The following TRABD2B variants were observed in gnomAD, a reference collection of about 807,000 sequenced individuals.
The protein encoded by TRABD2B is TraB domain containing 2B, also known as metalloprotease TIKI2.
In TRABD2B, 14 loss-of-function variants were observed where a neutral mutation model predicts 40.1. The observed-to-expected ratio is 0.35, with a 90% confidence interval of 0.23 to 0.55. TRABD2B has a LOEUF of 0.55. TRABD2B is among the 20% of genes least tolerant of loss of function. The pLI is 0.90. For synonymous variants in TRABD2B, 263 were observed against 277.0 expected, an observed-to-expected ratio of 0.95 and a Z score of 0.50; for missense variants, 541 against 648.6, an observed-to-expected ratio of 0.83 and a Z score of 1.80.
intron 2 of TRABD2B, among the ~76,000 whole-genome samples, chr1:47,804,396 G>A (rs1175234125): frequency 6.6e-6 from 1 of 152,210 alleles, no homozygotes; most frequent in Non-Finnish European, 1.5e-5. Context: ...TGTCCATGTC[G>A]AGTTGATCCG....
At chr1:47,972,297 T>C (rs1386934081) in intron 2 of TRABD2B, among the ~76,000 whole-genome samples, 1 of 152,154 alleles carries the variant, frequency 6.6e-6, no homozygotes, top group East Asian at 1.9e-4. Flanking sequence ...GGCAGCAGTA[T>C]CCACCTACTT....
Position 47,806,297 on chromosome 1 carries a change from A to G in TRABD2B, c.667-4678T>C, listed in dbSNP as rs562175143. 2.0e-5 allele frequency among the ~76,000 whole-genome samples: 3 copies of G among 152,308 alleles called. No homozygotes were observed. The East Asian group carries it at 5.8e-4, about 29-fold the overall frequency. ...AGCTCATTTTAGAGGCAGATGTGCC[A>G]ACTGGCCAGCACAGCAAGGGTGGTA... On this transcript the variant is annotated intron_variant, in intron 2 of 6. Coordinates refer to ENST00000606738, the MANE Select transcript of TRABD2B (RefSeq NM_001194986.2).
intron 2 of TRABD2B, among the ~76,000 whole-genome samples, chr1:47,912,282 C>T (rs1644773278): frequency 1.3e-5 from 2 of 152,222 alleles, no homozygotes; most frequent in African/African-American, 4.8e-5. Context: ...CTTTTTCTAC[C>T]ACAAGATGTA....
intron 2 of TRABD2B, among the ~76,000 whole-genome samples, chr1:47,923,915 TACACACACAC>T (rs60288001): frequency 0.31 from 40,643 of 132,508 alleles, 6,139 homozygotes; most frequent in South Asian, 0.42. Flanking sequence ...CATACACACA[TACACACACAC>T]ACACACACAC....
chr1:47,830,198 G>A (rs144900863), intron 2 of TRABD2B, among the ~76,000 whole-genome samples: 4 of 152,316 alleles, frequency 2.6e-5, no homozygotes, highest in South Asian at 4.1e-4. Flanking sequence ...CAGCAGCATC[G>A]CACCCTCATT....
At chr1:47,934,056 G>A (rs1016788283) in intron 2 of TRABD2B, among the ~76,000 whole-genome samples, 1 of 152,242 alleles carries the variant, frequency 6.6e-6, no homozygotes, top group African/African-American at 2.4e-5. Context: ...AAAAGCTGAT[G>A]TTATTAAACA....
intron 2 of TRABD2B, among the ~76,000 whole-genome samples, chr1:47,824,897 A>T (rs1405335062): frequency 6.6e-6 from 1 of 152,154 alleles, no homozygotes; most frequent in Non-Finnish European, 1.5e-5. Context: ...ACCCTCCAAC[A>T]TATGCATATT....
chr1:47,976,405 T>C (rs80300560), intron 2 of TRABD2B, among the ~76,000 whole-genome samples: 2,684 of 152,278 alleles, frequency 0.018, 78 homozygotes, highest in African/African-American at 0.061. Context: ...TAATCATTTG[T>C]GTACTTTGCA....
intron 2 of TRABD2B, among the ~76,000 whole-genome samples, chr1:47,957,437 A>G (rs765939010): frequency 9.9e-5 from 15 of 152,202 alleles, no homozygotes; most frequent in Non-Finnish European, 1.3e-4. Flanking sequence ...GGATGATTCA[A>G]TCCATCACAA....
chr1:47,782,398 C>A (rs1395270204), intron 4 of TRABD2B, among the ~76,000 whole-genome samples: 1 of 152,172 alleles, frequency 6.6e-6, no homozygotes, highest in African/African-American at 2.4e-5. Flanking sequence ...GTTCACACCC[C>A]AGAGCTGACT....
chr1:47,886,403 A>G (rs889348250), intron 2 of TRABD2B, among the ~76,000 whole-genome samples: 1 of 151,644 alleles, frequency 6.6e-6, no homozygotes, highest in African/African-American at 2.4e-5. Flanking sequence ...GTTCCTCTCT[A>G]CCTCTCCTCA....
In TRABD2B at chr1:47,771,460, C is replaced by T. The variant is rs371181625; in HGVS notation, c.1349+3710G>A. Among the ~76,000 whole-genome samples the T allele has an allele frequency of 3.9e-4, 60 of 152,350 alleles. 1 individual carries two copies. The East Asian group carries it at 7.3e-3, about 19-fold the overall frequency. The stretch of plus-strand genomic sequence containing the variant: ...CTGGCCAGCATGACTTGCCCAAGGA[C>T]TTCCAATCTAGATGGCCCAGACATT... On this transcript the variant is annotated intron_variant, in intron 6 of 6. Transcript: ENST00000606738.
intron 2 of TRABD2B, among the ~76,000 whole-genome samples, chr1:47,805,112 C>A (rs1028465455): frequency 1.3e-5 from 2 of 152,120 alleles, no homozygotes; most frequent in African/African-American, 4.8e-5. Flanking sequence ...TTGCCTAAGG[C>A]CACACAATGA....
chr1:47,990,571 A>G (rs1361254237), intron 2 of TRABD2B, among the ~76,000 whole-genome samples: 1 of 151,518 alleles, frequency 6.6e-6, no homozygotes, highest in Non-Finnish European at 1.5e-5. Flanking sequence ...GAGCCAGCCT[A>G]GACTGTTTGC....
chr1:47,927,252 G>A (rs907464331), intron 2 of TRABD2B, among the ~76,000 whole-genome samples: 11 of 152,200 alleles, frequency 7.2e-5, no homozygotes, highest in Non-Finnish European at 1.0e-4. Context: ...CAGAGGTGCC[G>A]GGTGCAGCCT....
At chr1:47,919,305 T>G (rs1644869884) in intron 2 of TRABD2B, among the ~76,000 whole-genome samples, 1 of 152,228 alleles carries the variant, frequency 6.6e-6, no homozygotes, top group Non-Finnish European at 1.5e-5. Context: ...ATGAACTGCA[T>G]GCGCTCAGCC....
intron 2 of TRABD2B, among the ~76,000 whole-genome samples, chr1:47,817,302 T>C (rs1046677842): frequency 3.3e-5 from 5 of 151,984 alleles, no homozygotes; most frequent in African/African-American, 1.2e-4. Flanking sequence ...AGGAGCACAC[T>C]GGGAACCCAG....
At chr1:47,803,025 A>C (rs1425745476) in intron 2 of TRABD2B, among the ~76,000 whole-genome samples, 1 of 152,190 alleles carries the variant, frequency 6.6e-6, no homozygotes, top group Non-Finnish European at 1.5e-5. Context: ...CAAAAAAAAA[A>C]AAATCTTCTG....
intron 2 of TRABD2B, among the ~76,000 whole-genome samples, chr1:47,886,175 T>A (rs1183324678): frequency 1.3e-5 from 2 of 152,142 alleles, no homozygotes; most frequent in African/African-American, 4.8e-5. Flanking sequence ...GTCTAACCCA[T>A]CAGTTCAAAC....
Sources: gnomAD v4.1 joint callset for allele counts (sites outside exome capture counted in the v4.1 genomes callset) on GRCh38, gnomAD v4.1.1 for gene constraint, MANE v1.5 for transcripts, NCBI Gene and HGNC (gene_info 2026-07-23, HGNC 2026-07-21) for gene names.